Variants in ARNT2 observed in about 807,000 individuals in gnomAD.
ARNT2 encodes aryl hydrocarbon receptor nuclear translocator 2, also known as ARNT protein 2.
Under a neutral mutation model 91.7 loss-of-function variants are expected in ARNT2, and 36 were observed. The ratio of observed to expected loss-of-function variants is 0.39; its 90% CI spans 0.30 to 0.52. The LOEUF (loss-of-function observed/expected upper bound fraction) is 0.52, where lower values mean the gene tolerates loss of function less well. Ranked by LOEUF, ARNT2 falls within the 20% of genes least tolerant of loss-of-function variation. ARNT2 has a pLI of 0.72. For synonymous variants in ARNT2, 365 were observed against 347.1 expected, an observed-to-expected ratio of 1.05 and a Z score of -0.57; for missense variants, 775 against 939.3, an observed-to-expected ratio of 0.83 and a Z score of 2.29.
rs534149433 is a variant in ARNT2 at position 80,597,324 on chromosome 15, G to A, written c.*3626G>A. 10 of 518,630 alleles carry A rather than the reference G, an allele frequency of 1.9e-5. No individual in the cohort carries two copies. Among genetic ancestry groups the A allele is most frequent in the East Asian group, 5.5e-5 (1 of 18,344 alleles). 32.1% of individuals were successfully genotyped at this position (518,630 alleles called of 1,614,324 possible). A position where few individuals can be genotyped will look rare whatever the true frequency, so the allele number is the denominator to read the frequency against. ...CATAAACAGGAAGAAGCCAGTGACC[G>A]GAACAGCTCTAGGAATAACAAGTCA... On this transcript the variant is annotated 3_prime_UTR_variant, in exon 19 of 19. Transcript: ENST00000303329.
chr15:80,483,029 CTT>C (rs1413424284), intron 5 of ARNT2, among the ~76,000 whole-genome samples: 1 of 152,172 alleles, frequency 6.6e-6, no homozygotes, highest in Non-Finnish European at 1.5e-5. Context: ...GAATCTATGA[CTT>C]TGTGAAATGT....
intron 1 of ARNT2, among the ~76,000 whole-genome samples, chr15:80,423,258 C>T (rs1416608547): frequency 1.3e-5 from 2 of 152,166 alleles, no homozygotes; most frequent in South Asian, 2.1e-4. Context: ...TTACCATCAG[C>T]GGGTCAACGT....
chr15:80,524,814 G>T (rs1897613011), intron 8 of ARNT2, among the ~76,000 whole-genome samples: 1 of 151,418 alleles, frequency 6.6e-6, no homozygotes, highest in Non-Finnish European at 1.5e-5. Flanking sequence ...GGCAGAGCTT[G>T]CAGTGAGCAG....
intron 8 of ARNT2, among the ~76,000 whole-genome samples, chr15:80,523,357 G>A (rs1467712000): frequency 2.0e-5 from 3 of 152,114 alleles, no homozygotes; most frequent in Admixed American, 6.5e-5. Context: ...GATTGGTGGG[G>A]AGATCAGTGC....
intron 8 of ARNT2, among the ~76,000 whole-genome samples, chr15:80,533,943 G>A (rs1167831812): frequency 2.0e-5 from 3 of 152,148 alleles, no homozygotes; most frequent in East Asian, 3.9e-4. Flanking sequence ...TTATGGCCCT[G>A]TAGCAAACAC....
intron 8 of ARNT2, among the ~76,000 whole-genome samples, chr15:80,536,721 A>G (rs1897830673): frequency 6.6e-6 from 1 of 152,160 alleles, no homozygotes; most frequent in South Asian, 2.1e-4. Flanking sequence ...CATGGGTAAA[A>G]GGAAGCAAAA....
chr15:80,504,479 T>C (rs1222545251), intron 5 of ARNT2, among the ~76,000 whole-genome samples: 2 of 151,986 alleles, frequency 1.3e-5, no homozygotes, highest in African/African-American at 4.8e-5. Context: ...TGATAAAAAG[T>C]AGAAGTCAGC....
At chr15:80,525,958 A>G (rs761967839) in intron 8 of ARNT2, among the ~76,000 whole-genome samples, 1 of 152,196 alleles carries the variant, frequency 6.6e-6, no homozygotes, top group Non-Finnish European at 1.5e-5. Context: ...ACCTTGAAAA[A>G]TCTTTAAAGG....
intron 8 of ARNT2, among the ~76,000 whole-genome samples, chr15:80,543,989 C>G (rs895669198): frequency 3.9e-5 from 6 of 152,192 alleles, no homozygotes; most frequent in Non-Finnish European, 5.9e-5. Flanking sequence ...GATCTGCCCA[C>G]TTCAGCCTCC....
intron 10 of ARNT2, 29 bp downstream of exon 10, chr15:80,552,803 A>G (rs1898106301): frequency 6.2e-7 from 1 of 1,605,710 alleles, no homozygotes; most frequent in African/African-American, 1.3e-5. Flanking sequence ...GCCTATGGCA[A>G]TTGACTAGAG....
intron 11 of ARNT2, chr15:80,555,352 A>G (rs1452893546): frequency 1.9e-6 from 1 of 523,156 alleles, no homozygotes; most frequent in East Asian, 2.9e-5. Flanking sequence ...GGAGAACTCT[A>G]AAGGGTCATG....
chr15:80,577,578 G>T (rs1025847081), intron 15 of ARNT2, among the ~76,000 whole-genome samples: 2 of 152,214 alleles, frequency 1.3e-5, no homozygotes, highest in Admixed American at 6.5e-5. Context: ...CAGCTCTTGG[G>T]GAGGGTATGT....
At chr15:80,495,277 G>A (rs1287474870) in intron 5 of ARNT2, among the ~76,000 whole-genome samples, 1 of 152,180 alleles carries the variant, frequency 6.6e-6, no homozygotes, top group African/African-American at 2.4e-5. Flanking sequence ...ATTCTGCTCA[G>A]TGAACATTAT....
intron 6 of ARNT2, among the ~76,000 whole-genome samples, chr15:80,513,475 G>C (rs367974457): frequency 1.1e-4 from 16 of 152,306 alleles, no homozygotes; most frequent in Middle Eastern, 3.4e-3. Context: ...AGATGTTACT[G>C]TTCATTAACT....
chr15:80,422,670 A>G (rs117672841), intron 1 of ARNT2, among the ~76,000 whole-genome samples: 83 of 152,326 alleles, frequency 5.4e-4, no homozygotes, highest in Non-Finnish European at 1.1e-3. Flanking sequence ...ATCAATAATA[A>G]CAACATGTAC....
intron 1 of ARNT2, among the ~76,000 whole-genome samples, chr15:80,450,349 G>A (rs1241717798): frequency 1.3e-5 from 2 of 152,144 alleles, no homozygotes; most frequent in African/African-American, 4.8e-5. Flanking sequence ...ATAACAGAGG[G>A]GCCAAGCAGG....
intron 8 of ARNT2, among the ~76,000 whole-genome samples, chr15:80,537,119 C>A (rs141041714): frequency 0.018 from 2,668 of 152,262 alleles, 26 homozygotes; most frequent in East Asian, 0.064. Flanking sequence ...TGTACAAAGG[C>A]CAATTCTGAT....
chr15:80,517,819 T>C (rs977963180), intron 8 of ARNT2, among the ~76,000 whole-genome samples: 4 of 152,180 alleles, frequency 2.6e-5, no homozygotes, highest in African/African-American at 9.6e-5. Context: ...TCCATCACAG[T>C]GTTTTTTAAT....
intron 1 of ARNT2, among the ~76,000 whole-genome samples, chr15:80,438,938 C>T (rs373102483): frequency 3.3e-5 from 5 of 152,350 alleles, no homozygotes; most frequent in African/African-American, 9.6e-5. Context: ...ATCCGCCCAT[C>T]TCGGCCTCCC....
Sources: allele counts gnomAD v4.1 joint callset (sites outside exome capture counted in the v4.1 genomes callset), GRCh38; gene constraint gnomAD v4.1.1; transcripts MANE v1.5; gene names NCBI Gene and HGNC (gene_info 2026-07-23, HGNC 2026-07-21).